Variants in AFG2A observed in about 807,000 individuals in gnomAD.
The protein encoded by AFG2A is ATPase family gene 2 protein homolog A.
chr4:122,930,589 A>C, the AFG2A span, among the ~76,000 whole-genome samples: 1 of 152,328 alleles, frequency 6.6e-6, no homozygotes, highest in African/African-American at 2.4e-5. Flanking sequence ...CTGTATACAG[A>C]AGCTTTGTAT....
chr4:123,179,798 T>C, the AFG2A span, among the ~76,000 whole-genome samples: 1 of 152,236 alleles, frequency 6.6e-6, no homozygotes, highest in African/African-American at 2.4e-5. Context: ...TTAGTGCCTT[T>C]ATCATTGGAT....
At chr4:122,984,944 TG>T in the AFG2A span, among the ~76,000 whole-genome samples, 40 of 152,176 alleles carry the variant, frequency 2.6e-4, no homozygotes, top group East Asian at 2.9e-3. Context: ...TTTCTGGTTT[TG>T]GTAGTAGGGT....
the AFG2A span, chr4:123,314,052 G>T: frequency 6.4e-7 from 1 of 1,570,092 alleles, no homozygotes; most frequent in Non-Finnish European, 8.6e-7. Context: ...AGAGTGGGCT[G>T]CATACACTCT....
chr4:123,138,239 A>T, the AFG2A span, among the ~76,000 whole-genome samples: 1 of 152,164 alleles, frequency 6.6e-6, no homozygotes, highest in East Asian at 1.9e-4. Context: ...AAGAGATTTC[A>T]TTGCCCCAGG....
chr4:123,031,944 G>A, the AFG2A span, among the ~76,000 whole-genome samples: 1 of 152,130 alleles, frequency 6.6e-6, no homozygotes, highest in Admixed American at 6.5e-5. Flanking sequence ...TGTAAGTTTA[G>A]TTTGTTATCT....
chr4:123,167,537 C>A, the AFG2A span, among the ~76,000 whole-genome samples: 3 of 151,998 alleles, frequency 2.0e-5, no homozygotes, highest in East Asian at 5.8e-4. Flanking sequence ...TTAGTAGAGA[C>A]GGGGTTTCAC....
the AFG2A span, among the ~76,000 whole-genome samples, chr4:122,962,203 G>A: frequency 6.6e-6 from 1 of 152,196 alleles, no homozygotes; most frequent in African/African-American, 2.4e-5. Flanking sequence ...ACCTCCTGCT[G>A]TGAAGCCCAG....
the AFG2A span, among the ~76,000 whole-genome samples, chr4:123,012,797 G>T: frequency 6.6e-6 from 1 of 152,154 alleles, no homozygotes; most frequent in Non-Finnish European, 1.5e-5. Flanking sequence ...TAAAGAGGCC[G>T]CTTACCGACT....
At chr4:123,120,952 AG>A in the AFG2A span, among the ~76,000 whole-genome samples, 1 of 152,162 alleles carries the variant, frequency 6.6e-6, no homozygotes, top group Non-Finnish European at 1.5e-5. Flanking sequence ...TCCATAAAGA[AG>A]GCCTTGTAAA....
the AFG2A span, among the ~76,000 whole-genome samples, chr4:123,110,944 A>C: frequency 6.6e-6 from 1 of 152,214 alleles, no homozygotes; most frequent in Non-Finnish European, 1.5e-5. Flanking sequence ...TCATCAGATG[A>C]CTATACTTTT....
chr4:122,984,713 T>C, the AFG2A span, among the ~76,000 whole-genome samples: 1 of 152,180 alleles, frequency 6.6e-6, no homozygotes, highest in African/African-American at 2.4e-5. Context: ...GATGATTGTG[T>C]GATTGTGTTT....
chr4:122,934,764 C>G, the AFG2A span: 2 of 1,525,590 alleles, frequency 1.3e-6, no homozygotes. Flanking sequence ...TTTATTGCAC[C>G]CAAAAATGTT....
At chr4:123,318,814 G>A in the AFG2A span, 1 of 151,768 alleles carries the variant, frequency 6.6e-6, no homozygotes, top group Admixed American at 6.6e-5. Flanking sequence ...TTGGGTTTGT[G>A]TGTGATCGAA....
At chr4:123,107,544 G>A in the AFG2A span, among the ~76,000 whole-genome samples, 1 of 152,174 alleles carries the variant, frequency 6.6e-6, no homozygotes, top group South Asian at 2.1e-4. Flanking sequence ...ACTCTGGGCC[G>A]AGGTCTCCAC....
At chr4:122,983,477 G>C in the AFG2A span, among the ~76,000 whole-genome samples, 1 of 151,952 alleles carries the variant, frequency 6.6e-6, no homozygotes, top group African/African-American at 2.4e-5. Flanking sequence ...TACTTTTGCT[G>C]TATCAAAGTT....
At chr4:122,968,603 G>A in the AFG2A span, among the ~76,000 whole-genome samples, 1 of 152,162 alleles carries the variant, frequency 6.6e-6, no homozygotes, top group African/African-American at 2.4e-5. Context: ...TGCTGAATTC[G>A]ATTGTTTAAG....
chr4:123,005,574 A>T, the AFG2A span, among the ~76,000 whole-genome samples: 1 of 151,898 alleles, frequency 6.6e-6, no homozygotes, highest in Admixed American at 6.6e-5. Flanking sequence ...TTAAGGTGGG[A>T]TGTGTGGTTA....
At chr4:123,131,204 CTG>C in the AFG2A span, among the ~76,000 whole-genome samples, 6 of 152,110 alleles carry the variant, frequency 3.9e-5, no homozygotes, top group Non-Finnish European at 5.9e-5. Flanking sequence ...TTTATTAACA[CTG>C]TAGTTCACAG....
At chr4:123,297,324 G>A in the AFG2A span, among the ~76,000 whole-genome samples, 32 of 152,176 alleles carry the variant, frequency 2.1e-4, no homozygotes, top group African/African-American at 7.2e-4. Flanking sequence ...GGCCCTTGAG[G>A]CTTTTCAACT....
Sources: allele counts gnomAD v4.1 joint callset (sites outside exome capture counted in the v4.1 genomes callset), GRCh38; gene constraint gnomAD v4.1.1; transcripts MANE v1.5; gene names NCBI Gene and HGNC (gene_info 2026-07-23, HGNC 2026-07-21).